SH3GLB1: variants seen among roughly 807,000 people sequenced by gnomAD.
SH3GLB1 encodes the protein endophilin-B1.
In SH3GLB1, 17 loss-of-function variants were observed where a neutral mutation model predicts 42.0. The observed-to-expected ratio is 0.40, with a 90% CI of 0.28 to 0.61. The LOEUF (loss-of-function observed/expected upper bound fraction) is 0.61, where lower values mean the gene tolerates loss of function less well. SH3GLB1 is among the 20% of genes least tolerant of loss of function. The pLI, the probability that SH3GLB1 is intolerant of heterozygous loss-of-function variation, is 0.36. For missense variants in SH3GLB1, 355 were observed against 426.3 expected (o/e 0.83, Z 1.47); for synonymous variants, 132 against 146.6 (o/e 0.90, Z 0.72).
chr1:86,742,676 A>G (rs1656114944), intron 8 of SH3GLB1, among the ~76,000 whole-genome samples: 1 of 152,182 alleles, frequency 6.6e-6, no homozygotes, highest in Non-Finnish European at 1.5e-5. Flanking sequence ...TCCTTTATCT[A>G]GGCCAGACAT....
intron 6 of SH3GLB1, 84 bp from the exon 7 acceptor site, chr1:86,734,995 A>C: frequency 2.1e-6 from 2 of 960,514 alleles, no homozygotes; most frequent in Non-Finnish European, 3.3e-6. Context: ...CTACCTCAGT[A>C]CAATATTGTG....
At chr1:86,728,106 A>C (rs1570276679) in intron 5 of SH3GLB1, among the ~76,000 whole-genome samples, 1 of 152,010 alleles carries the variant, frequency 6.6e-6, no homozygotes, top group African/African-American at 2.4e-5. Context: ...TGAAAATTTA[A>C]TAAAAATTGT....
chr1:86,741,985 G>T (rs1050855931), intron 7 of SH3GLB1, among the ~76,000 whole-genome samples: 6 of 152,112 alleles, frequency 3.9e-5, no homozygotes, highest in Non-Finnish European at 7.4e-5. Context: ...TTTTGAAACA[G>T]ACTTTCAAGG....
chr1:86,709,801 G>A (rs1223523922), intron 1 of SH3GLB1, among the ~76,000 whole-genome samples: 3 of 152,134 alleles, frequency 2.0e-5, no homozygotes, highest in African/African-American at 7.2e-5. Flanking sequence ...AAGGAATATA[G>A]TTCTTAAAAT....
At chr1:86,730,098 A>G (rs1655423610) in intron 5 of SH3GLB1, 1 of 1,596,436 alleles carries the variant, frequency 6.3e-7, no homozygotes, top group African/African-American at 1.3e-5. Context: ...ATTTGGGCAG[A>G]GGAGGTGACA....
At chr1:86,720,607 C>T (rs777742523) in intron 3 of SH3GLB1, among the ~76,000 whole-genome samples, 1 of 152,096 alleles carries the variant, frequency 6.6e-6, no homozygotes, top group South Asian at 2.1e-4. Flanking sequence ...GCTTCTTTTC[C>T]TGTTGTTTAT....
At chr1:86,728,379 T>C in intron 5 of SH3GLB1, 1 of 1,372,344 alleles carries the variant, frequency 7.3e-7, no homozygotes, top group Non-Finnish European at 1.0e-6. Context: ...TAATGTGTTC[T>C]TTGTCTCTTA....
intron 7 of SH3GLB1, among the ~76,000 whole-genome samples, chr1:86,739,024 T>A (rs988608625): frequency 5.3e-5 from 8 of 152,346 alleles, no homozygotes; most frequent in African/African-American, 1.9e-4. Flanking sequence ...GGCAAAGATT[T>A]CAGGGATGGA....
chr1:86,738,848 T>TACA (rs1655913380), intron 7 of SH3GLB1, among the ~76,000 whole-genome samples: 4 of 151,924 alleles, frequency 2.6e-5, no homozygotes, highest in Non-Finnish European at 5.9e-5. Flanking sequence ...TTCACCATGT[T>TACA]AGCCAGGCTG....
chr1:86,714,490 G>A (rs369183435), intron 1 of SH3GLB1, among the ~76,000 whole-genome samples: 15 of 152,184 alleles, frequency 9.9e-5, no homozygotes, highest in African/African-American at 3.6e-4. Context: ...AGCTATTTAA[G>A]CTGTTATTTC....
At position 86,745,816 on chromosome 1, in the gene SH3GLB1, A is replaced by G. The variant is rs1432932530; in HGVS notation, c.*2581A>G. 1 of 152,462 alleles carries G rather than the reference A, an allele frequency of 6.6e-6. No individual in the cohort carries two copies. The highest frequency in any genetic ancestry group is 1.5e-5 in the Non-Finnish European group (1 of 68,046). 9.4% of individuals were successfully genotyped at this position (152,462 alleles called of 1,614,324 possible). A position where few individuals can be genotyped will look rare whatever the true frequency, so the allele number is the denominator to read the frequency against. ...GTGGAAGAAAAAGCTTGGGAAGCCT[A>G]TTAATTCATGGTGCAGTTCAGAATT... On this transcript the variant is annotated 3_prime_UTR_variant, in exon 9 of 9. Coordinates refer to ENST00000370558, the MANE Select transcript of SH3GLB1 (RefSeq NM_016009.5).
At chr1:86,741,109 A>T (rs1656041180) in intron 7 of SH3GLB1, among the ~76,000 whole-genome samples, 1 of 152,174 alleles carries the variant, frequency 6.6e-6, no homozygotes, top group African/African-American at 2.4e-5. Flanking sequence ...GTGATGAAGA[A>T]CATAAGACTC....
chr1:86,742,992 T>G (rs1160810347), intron 8 of SH3GLB1, 136 bp from the exon 9 acceptor site: 1 of 698,634 alleles, frequency 1.4e-6, no homozygotes, highest in East Asian at 2.8e-5. Flanking sequence ...AAATCCTTTG[T>G]TTTTCAGCAC....
intron 1 of SH3GLB1, among the ~76,000 whole-genome samples, chr1:86,709,979 C>A (rs986728789): frequency 2.0e-5 from 3 of 152,158 alleles, no homozygotes; most frequent in Non-Finnish European, 4.4e-5. Context: ...AATCCTATTT[C>A]TTTTACAGAA....
intron 2 of SH3GLB1, among the ~76,000 whole-genome samples, chr1:86,719,127 C>A (rs1253344482): frequency 1.3e-5 from 2 of 152,066 alleles, no homozygotes; most frequent in Non-Finnish European, 2.9e-5. Flanking sequence ...GCCAGAAATC[C>A]TGATTTTGAA....
At chr1:86,707,649 T>TC (rs1354116008) in intron 1 of SH3GLB1, among the ~76,000 whole-genome samples, 3 of 150,018 alleles carry the variant, frequency 2.0e-5, no homozygotes, top group Non-Finnish European at 3.0e-5. Flanking sequence ...AGGGTATTTT[T>TC]TTTTTTTTTT....
At chr1:86,730,211 C>A in intron 5 of SH3GLB1, 2 of 1,503,040 alleles carry the variant, frequency 1.3e-6, no homozygotes, top group South Asian at 2.6e-5. Context: ...CAGTCACAGT[C>A]TGTGTTAGTA....
chr1:86,707,818 T>A (rs1653960458), intron 1 of SH3GLB1, among the ~76,000 whole-genome samples: 1 of 152,028 alleles, frequency 6.6e-6, no homozygotes, highest in African/African-American at 2.4e-5. Context: ...CCAGCTAATT[T>A]TGCATTTTTA....
intron 5 of SH3GLB1, chr1:86,728,284 G>GA (rs937972290): frequency 1.5e-5 from 7 of 457,686 alleles, no homozygotes; most frequent in East Asian, 1.4e-4. Flanking sequence ...TTTTTTAATA[G>GA]AAAAAAATAT....
Sources: allele counts gnomAD v4.1 joint callset (sites outside exome capture counted in the v4.1 genomes callset), GRCh38; gene constraint gnomAD v4.1.1; transcripts MANE v1.5; gene names NCBI Gene and HGNC (gene_info 2026-07-23, HGNC 2026-07-21).